USH2A: variants seen among roughly 807,000 people sequenced by gnomAD.
The protein encoded by USH2A is usherin.
A neutral mutation model predicts 538.9 loss-of-function variants in USH2A; 443 were observed. That is an observed-to-expected ratio of 0.82 (90% CI 0.76 to 0.89). USH2A has a LOEUF of 0.89. Ranked by LOEUF, USH2A falls within the 40% of genes least tolerant of loss-of-function variation. The pLI is 0.00. For missense variants in USH2A, 6,633 were observed against 6,324.8 expected (o/e 1.05, Z -1.65); for synonymous variants, 2,413 against 2,273.5 (o/e 1.06, Z -1.75).
intron 61 of USH2A, among the ~76,000 whole-genome samples, chr1:215,716,392 C>A (rs1355424789): frequency 6.6e-6 from 1 of 152,202 alleles, no homozygotes; most frequent in African/African-American, 2.4e-5. Flanking sequence ...ATTAATCAAG[C>A]TATCTGGCAT....
intron 21 of USH2A, among the ~76,000 whole-genome samples, chr1:216,169,853 T>A (rs1407915875): frequency 6.6e-6 from 1 of 152,160 alleles, no homozygotes; most frequent in African/African-American, 2.4e-5. Flanking sequence ...ATATTTGTTT[T>A]TCAATAACTA....
intron 49 of USH2A, among the ~76,000 whole-genome samples, chr1:215,802,950 TGACACGTAC>T (rs1464006176): frequency 6.6e-6 from 1 of 152,054 alleles, no homozygotes; most frequent in Non-Finnish European, 1.5e-5. Flanking sequence ...AATAAAATCC[TGACACGTAC>T]GACAACATGA....
chr1:216,099,841 A>G (rs1028684144), intron 21 of USH2A, among the ~76,000 whole-genome samples: 1 of 152,168 alleles, frequency 6.6e-6, no homozygotes, highest in Non-Finnish European at 1.5e-5. Context: ...AGGCATACTG[A>G]ACTTATGATG....
At chr1:216,053,935 A>AG (rs2030884609) in intron 30 of USH2A, among the ~76,000 whole-genome samples, 1 of 152,178 alleles carries the variant, frequency 6.6e-6, no homozygotes, top group African/African-American at 2.4e-5. Flanking sequence ...CACCGTAGAT[A>AG]GGTTAAGAGG....
chr1:215,640,746 A>C lies in USH2A; in HGVS notation c.14792-12T>G. ...TCGGTACTGAGGCACTGTGGGGAGA[A>C]AGTTGTATGTTCTAAAAAGGGTAAC... On this transcript the variant is annotated splice_polypyrimidine_tract_variant and intron_variant, in intron 67 of 71. Transcript: ENST00000307340. 6.2e-7 allele frequency: 1 copy of C among 1,613,540 alleles called. No individual in the cohort carries two copies. The highest frequency in any genetic ancestry group is 1.1e-5 in the South Asian group (1 of 90,992).
chr1:216,145,084 T>A (rs994496348), intron 21 of USH2A, among the ~76,000 whole-genome samples: 2 of 152,192 alleles, frequency 1.3e-5, no homozygotes, highest in African/African-American at 4.8e-5. Context: ...TACTTCAGCA[T>A]TCCCTCCTTC....
In USH2A at chr1:216,418,632, G is replaced by A; in HGVS notation, c.533C>T (p.Thr178Ile). Reference protein sequence around the residue: ...TVDGQIVFKLTISEKETMFYY... With the variant: ...TVDGQIVFKLIISEKETMFYY... ...AAACATGGTCTCTTTCTCAGATATT[G>A]TAAGTTTGAACACAATCTGCCCATC... The change falls in exon 3 of 72, where the codon ACA (threonine) becomes ATA (isoleucine). Residue 178 changes from threonine to isoleucine, a missense_variant. By Grantham distance (89) the Thr-to-Ile change is moderately conservative. Transcript: ENST00000307340. 1.2e-6 allele frequency: 2 copies of A among 1,613,222 alleles called. No individual in the cohort carries two copies.
chr1:216,289,660 T>C (rs927729548), intron 10 of USH2A, among the ~76,000 whole-genome samples: 1 of 152,166 alleles, frequency 6.6e-6, no homozygotes, highest in African/African-American at 2.4e-5. Context: ...AAAGCTGTGC[T>C]TTATAGGGGC....
Position 215,888,764 on chromosome 1 carries a change from T to G in USH2A, c.7885A>C (p.Ser2629Arg). 6.2e-7 allele frequency: 1 copy of G among 1,614,126 alleles called. No individual in the cohort carries two copies. Among genetic ancestry groups the G allele is most frequent in the Non-Finnish European group, 8.5e-7 (1 of 1,180,002 alleles). The change falls in exon 41 of 72, where the codon AGT (serine) becomes CGT (arginine). Residue 2629 changes from serine (S) to arginine (R), a missense_variant. Ser to Arg is a moderately radical substitution (Grantham distance 110). Transcript: ENST00000307340. ...GGAGTATCAGAGAACAGCTCTGGAC[T>G]TGGGATCCCTTCCGGTGCCCCTGGG... is the stretch of plus-strand genomic sequence containing the variant. ...TLPGAPEGIP[S>R]PELFSDTPTS...
At chr1:216,176,955 T>C (rs1201672418) in intron 20 of USH2A, among the ~76,000 whole-genome samples, 1 of 152,224 alleles carries the variant, frequency 6.6e-6, no homozygotes, top group Admixed American at 6.5e-5. Flanking sequence ...CATCTACTGA[T>C]GAAATATCCT....
At chr1:215,655,650 G>T (rs1029995563) in intron 64 of USH2A, among the ~76,000 whole-genome samples, 1 of 151,936 alleles carries the variant, frequency 6.6e-6, no homozygotes, top group African/African-American at 2.4e-5. Context: ...TGCACAGGAT[G>T]GGAGAAGGGG....
chr1:216,298,142 G>GT (rs1247643380), intron 9 of USH2A, among the ~76,000 whole-genome samples: 1 of 152,128 alleles, frequency 6.6e-6, no homozygotes, highest in East Asian at 1.9e-4. Flanking sequence ...CTCTATGGTG[G>GT]TTTTTATTAT....
At chr1:215,708,232 T>G (rs1018939064) in intron 61 of USH2A, among the ~76,000 whole-genome samples, 17 of 152,230 alleles carry the variant, frequency 1.1e-4, no homozygotes, top group African/African-American at 3.4e-4. Context: ...TATATTTTAT[T>G]TCCTTATCTT....
intron 26 of USH2A, among the ~76,000 whole-genome samples, chr1:216,081,374 T>C (rs1022710336): frequency 3.9e-5 from 6 of 152,088 alleles, no homozygotes; most frequent in East Asian, 3.9e-4. Context: ...ACATTCTGAG[T>C]TTATCAAGTT....
chr1:215,962,631 T>C (rs961900913), intron 37 of USH2A, among the ~76,000 whole-genome samples: 2 of 146,574 alleles, frequency 1.4e-5, no homozygotes, highest in African/African-American at 2.5e-5. Context: ...TATTTACAAA[T>C]GGGGGAAATA....
chr1:216,401,000 G>C lies in USH2A; in HGVS notation c.651+17514C>G, dbSNP rs117873383. 9.7e-4 allele frequency among the ~76,000 whole-genome samples: 147 copies of C among 152,104 alleles called. 1 individual carries two copies. In the East Asian group the frequency reaches 0.027, roughly 28 times the overall value. Reference sequence around the variant, plus strand: ...GCTTCAGAACTTATAAAGAAAATAAGAATATCAGAATGAATAAAATTAGGG... The same window carrying C: ...GCTTCAGAACTTATAAAGAAAATAACAATATCAGAATGAATAAAATTAGGG... On this transcript the variant is annotated intron_variant, in intron 3 of 71. Transcript: ENST00000307340.
chr1:215,901,763 A>AT (rs1055881623), intron 38 of USH2A, among the ~76,000 whole-genome samples: 1 of 152,058 alleles, frequency 6.6e-6, no homozygotes, highest in Non-Finnish European at 1.5e-5. Context: ...TATTTAATTA[A>AT]TTTTTTCCAA....
intron 48 of USH2A, 74 bp from the exon 49 acceptor site, chr1:215,813,978 A>G (rs2102793355): frequency 6.7e-7 from 1 of 1,503,376 alleles, no homozygotes; most frequent in Non-Finnish European, 9.2e-7. Context: ...CTCATGTAAT[A>G]TAATTATTTT....
intron 38 of USH2A, among the ~76,000 whole-genome samples, chr1:215,904,113 C>G (rs1391381714): frequency 6.6e-6 from 1 of 152,020 alleles, no homozygotes; most frequent in Non-Finnish European, 1.5e-5. Context: ...AACCATGTCT[C>G]TCTTTTGATT....
Sources: allele counts gnomAD v4.1 joint callset (sites outside exome capture counted in the v4.1 genomes callset), GRCh38; gene constraint gnomAD v4.1.1; transcripts MANE v1.5; gene names NCBI Gene and HGNC (gene_info 2026-07-23, HGNC 2026-07-21).